BCAR3: variants seen among roughly 807,000 people sequenced by gnomAD.
BCAR3 encodes the protein BCAR3 adaptor protein, NSP family member.
BCAR3 carries 37 observed loss-of-function variants against 80.1 expected under a neutral mutation model. That is an observed-to-expected ratio of 0.46 (90% confidence interval 0.36 to 0.61). The LOEUF (loss-of-function observed/expected upper bound fraction) is 0.61, where lower values mean the gene tolerates loss of function less well. Among genes scored for constraint, BCAR3 ranks in the 20% least tolerant of loss-of-function variants. The probability of loss-of-function intolerance (pLI) is 0.00; values close to 1 mark genes in which losing one functional copy is unlikely to be tolerated. For missense variants in BCAR3, 978 were observed against 1,068.2 expected (o/e 0.92, Z 1.18); for synonymous variants, 389 against 418.9 (o/e 0.93, Z 0.87).
intron 3 of BCAR3, among the ~76,000 whole-genome samples, chr1:93,633,108 T>G (rs528223635): frequency 6.6e-6 from 1 of 152,242 alleles, no homozygotes; most frequent in African/African-American, 2.4e-5. Flanking sequence ...TCTTAGGCTA[T>G]AGTTTGCTGA....
intron 3 of BCAR3, among the ~76,000 whole-genome samples, chr1:93,598,462 G>C (rs61097457): frequency 0.043 from 6,556 of 152,290 alleles, 464 homozygotes; most frequent in African/African-American, 0.15. Flanking sequence ...TCTATCCCCA[G>C]GCCTAGGAAC....
At chr1:93,745,205 G>T (rs1651313514) in intron 2 of BCAR3, among the ~76,000 whole-genome samples, 1 of 152,262 alleles carries the variant, frequency 6.6e-6, no homozygotes. Flanking sequence ...GTTTGGCCAT[G>T]TGACTGGGAG....
chr1:93,797,208 A>C (rs1033697979), intron 2 of BCAR3, among the ~76,000 whole-genome samples: 4 of 152,168 alleles, frequency 2.6e-5, no homozygotes, highest in African/African-American at 9.7e-5. Context: ...GTCCCTCGTT[A>C]GCCAGGCAGT....
chr1:93,691,371 G>A (rs535064504), intron 3 of BCAR3, among the ~76,000 whole-genome samples: 1 of 152,374 alleles, frequency 6.6e-6, no homozygotes, highest in Non-Finnish European at 1.5e-5. Flanking sequence ...GAGCTAAATC[G>A]AAGCAGGGGC....
intron 3 of BCAR3, among the ~76,000 whole-genome samples, chr1:93,622,411 G>A (rs560700673): frequency 6.6e-6 from 1 of 152,280 alleles, no homozygotes; most frequent in South Asian, 2.1e-4. Context: ...TTTATCTTAT[G>A]CAAATCTGAA....
chr1:93,768,471 G>A (rs958075850), intron 2 of BCAR3, among the ~76,000 whole-genome samples: 6 of 152,182 alleles, frequency 3.9e-5, no homozygotes, highest in African/African-American at 1.4e-4. Flanking sequence ...GCTCAGCTGA[G>A]CTGGAAAAGT....
In BCAR3 at chr1:93,562,366, G is replaced by A. The variant is rs749096646; in HGVS notation, c.2353C>T (p.Arg785Ter). ...GCACCTTTGCTGCCCCATAGCAATCGCATTTGAAATTCAGTCTTGCAGATT... is the reference window on the plus strand; with the variant it reads ...GCACCTTTGCTGCCCCATAGCAATCACATTTGAAATTCAGTCTTGCAGATT... ...NEICKTEFQMRLLWGSKGAQV... is the reference protein window; with the variant it reads ...NEICKTEFQM The change falls in exon 12 of 12, where the codon CGA (arginine) becomes TGA (stop). Residue 785 changes from arginine to a stop codon, truncating the protein, a stop_gained. Coordinates refer to ENST00000260502, the MANE Select transcript of BCAR3 (RefSeq NM_003567.4). LOFTEE classifies it high-confidence loss of function. 12 of 1,613,834 alleles carry A rather than the reference G, an allele frequency of 7.4e-6. No homozygotes were observed. The highest frequency in any genetic ancestry group is 5.3e-5 in the African/African-American group (4 of 74,906).
At chr1:93,796,470 C>T (rs1304832235) in intron 2 of BCAR3, among the ~76,000 whole-genome samples, 2 of 148,666 alleles carry the variant, frequency 1.3e-5, no homozygotes, top group Non-Finnish European at 2.9e-5. Context: ...ACTCCCTGAC[C>T]CCTTGCGCTT....
At chr1:93,836,194 C>A (rs141930991) in intron 2 of BCAR3, among the ~76,000 whole-genome samples, 1 of 152,164 alleles carries the variant, frequency 6.6e-6, no homozygotes, top group Non-Finnish European at 1.5e-5. Flanking sequence ...AGCTCCTGTA[C>A]GGACACTCCC....
chr1:93,580,871 TGGTGATGGGCCGGGTGC>T (rs1429531050), intron 7 of BCAR3, among the ~76,000 whole-genome samples: 1 of 152,112 alleles, frequency 6.6e-6, no homozygotes, highest in Admixed American at 6.5e-5. Flanking sequence ...TACAAAAAAA[TGGTGATGGGCCGGGTGC>T]GGTGACTCAC....
upstream of BCAR3, among the ~76,000 whole-genome samples, chr1:93,682,455 T>C (rs1159759548): frequency 5.3e-5 from 8 of 152,238 alleles, no homozygotes; most frequent in Non-Finnish European, 1.2e-4. Flanking sequence ...ACTTGATTTA[T>C]GTCAGGTGCT....
At chr1:93,666,936 TC>T (rs1236259034) in intron 2 of BCAR3, among the ~76,000 whole-genome samples, 2 of 152,112 alleles carry the variant, frequency 1.3e-5, no homozygotes, top group East Asian at 3.9e-4. Context: ...ATTAGGCACC[TC>T]CCAGCTCTAG....
At position 93,576,137 on chromosome 1, in the gene BCAR3, G is replaced by C; in HGVS notation, c.1687-8C>G. The C allele has an allele frequency of 6.2e-7, 1 of 1,610,554 alleles. No homozygotes were observed. The highest frequency in any genetic ancestry group is 2.2e-5 in the East Asian group (1 of 44,858). Reference sequence around the variant, plus strand: ...TCCAAGTATCCTAGCAACCTGTCAAGAGCCAAAGTTGAAATACACTGGATC... The same window carrying C: ...TCCAAGTATCCTAGCAACCTGTCAACAGCCAAAGTTGAAATACACTGGATC... On this transcript the variant is annotated splice_region_variant and splice_polypyrimidine_tract_variant and intron_variant, in intron 7 of 11. Transcript: ENST00000260502.
chr1:93,710,454 G>A (rs189435631), intron 2 of BCAR3, among the ~76,000 whole-genome samples: 31 of 152,306 alleles, frequency 2.0e-4, no homozygotes, highest in Non-Finnish European at 1.6e-4. Context: ...GGCAGGGAGA[G>A]ACTTTATCCT....
chr1:93,717,266 C>G (rs1027625571), intron 2 of BCAR3, among the ~76,000 whole-genome samples: 1 of 152,148 alleles, frequency 6.6e-6, no homozygotes, highest in African/African-American at 2.4e-5. Flanking sequence ...GAACCCAGCC[C>G]AGCCCAGAAG....
chr1:93,572,975 C>T (rs1462161407), intron 8 of BCAR3, among the ~76,000 whole-genome samples: 1 of 152,092 alleles, frequency 6.6e-6, no homozygotes, highest in Non-Finnish European at 1.5e-5. Context: ...AGTGTGTTTG[C>T]GTATATATGC....
intron 3 of BCAR3, among the ~76,000 whole-genome samples, chr1:93,603,645 T>C (rs1423713753): frequency 6.6e-6 from 1 of 152,168 alleles, no homozygotes; most frequent in East Asian, 1.9e-4. Flanking sequence ...TCTGCAGAAA[T>C]AGTCAGGGGC....
intron 2 of BCAR3, among the ~76,000 whole-genome samples, chr1:93,823,389 A>G (rs1654289815): frequency 7.5e-6 from 1 of 133,980 alleles, no homozygotes; most frequent in Non-Finnish European, 1.7e-5. Context: ...AAGGTGAATG[A>G]GGAGAAGCTG....
chr1:93,719,856 A>T (rs1276865330), intron 2 of BCAR3, among the ~76,000 whole-genome samples: 2 of 152,190 alleles, frequency 1.3e-5, no homozygotes, highest in Non-Finnish European at 2.9e-5. Context: ...TGATGCATGA[A>T]GATTTGAATG....
Sources: allele counts gnomAD v4.1 joint callset (sites outside exome capture counted in the v4.1 genomes callset), GRCh38; gene constraint gnomAD v4.1.1; transcripts MANE v1.5; gene names NCBI Gene and HGNC (gene_info 2026-07-23, HGNC 2026-07-21).